Variants in TFDP2 observed in about 807,000 individuals in gnomAD.
TFDP2 encodes transcription factor Dp-2 (E2F dimerization partner 2).
Under a neutral mutation model 59.3 loss-of-function variants are expected in TFDP2, and 17 were observed. That is an observed-to-expected ratio of 0.29 (90% CI 0.20 to 0.43). The LOEUF (loss-of-function observed/expected upper bound fraction) is 0.43, where lower values mean the gene tolerates loss of function less well. Among genes scored for constraint, TFDP2 ranks in the 20% least tolerant of loss-of-function variants. The pLI is 1.00. For missense variants in TFDP2, 391 were observed against 528.8 expected (o/e 0.74, Z 2.56); for synonymous variants, 180 against 194.7 (o/e 0.92, Z 0.63).
rs151113753 is a variant in TFDP2, at chr3:142,141,242, G to A, written c.-93+7941C>T. On this transcript the variant is annotated intron_variant, in intron 1 of 12. Coordinates refer to ENST00000489671, the MANE Select transcript of TFDP2 (RefSeq NM_001178139.2). ...CATGGGGAAAGTCCAGTATTTGGAC[G>A]AGAGCGTCCCATTTTTCCAGGTACA... Among the ~76,000 whole-genome samples, 20 of 152,334 alleles carry A rather than the reference G, an allele frequency of 1.3e-4. No individual in the cohort carries two copies. The East Asian group carries it at 2.9e-3, about 22-fold the overall frequency.
At chr3:141,967,386 A>C (rs1011712824) in intron 9 of TFDP2, among the ~76,000 whole-genome samples, 1 of 148,096 alleles carries the variant, frequency 6.8e-6, no homozygotes, top group Non-Finnish European at 1.5e-5. Flanking sequence ...TCTGCCTCCC[A>C]GGTTCAAGAG....
intron 10 of TFDP2, among the ~76,000 whole-genome samples, chr3:141,961,307 G>T (rs1021733112): frequency 1.4e-5 from 2 of 138,138 alleles, no homozygotes; most frequent in African/African-American, 5.5e-5. Context: ...GCAGTGGCAC[G>T]ATCTCGGCTC....
intron 3 of TFDP2, chr3:142,043,575 G>C: frequency 1.3e-6 from 1 of 753,636 alleles, no homozygotes; most frequent in South Asian, 1.6e-5. Context: ...TTTAATGGCT[G>C]ATCTATGTAA....
At chr3:142,101,691 T>G (rs1322573657) in intron 2 of TFDP2, 44 bp downstream of exon 2, 1 of 1,276,690 alleles carries the variant, frequency 7.8e-7, no homozygotes, top group Admixed American at 2.8e-5. Flanking sequence ...AAAGCACAGC[T>G]CACTTTAAAC....
chr3:142,044,245 T>C (rs1440780722), intron 3 of TFDP2: 2 of 250,642 alleles, frequency 8.0e-6, no homozygotes, highest in African/African-American at 5.0e-5. Flanking sequence ...TTTTTTTTTT[T>C]TTTTTTTGAG....
chr3:142,015,172 G>A (rs1945034511), intron 3 of TFDP2, among the ~76,000 whole-genome samples: 1 of 151,988 alleles, frequency 6.6e-6, no homozygotes, highest in Non-Finnish European at 1.5e-5. Context: ...AAACATTTGG[G>A]AGCCCCTTAG....
At position 141,949,304 on chromosome 3, in the gene TFDP2, C is replaced by G. The variant is rs1223468469; in HGVS notation, c.*3209G>C. ...AAGAATTAAATTGAAGGACGCCAAACTTGTGGCCATTGTCTGTAGTTTCTC... is the reference window on the plus strand; with the variant it reads ...AAGAATTAAATTGAAGGACGCCAAAGTTGTGGCCATTGTCTGTAGTTTCTC... On this transcript the variant is annotated 3_prime_UTR_variant, in exon 13 of 13. Coordinates refer to ENST00000489671, the MANE Select transcript of TFDP2 (RefSeq NM_001178139.2). 2 of 152,152 alleles carry G rather than the reference C, an allele frequency of 1.3e-5. No individual in the cohort carries two copies. The highest frequency in any genetic ancestry group is 2.9e-5 in the Non-Finnish European group (2 of 68,042). The allele number at this position is 152,152 out of a possible 1,614,324, so 9.4% of individuals were successfully genotyped here. A position where few individuals can be genotyped will look rare whatever the true frequency, so the allele number is the denominator to read the frequency against.
intron 3 of TFDP2, among the ~76,000 whole-genome samples, chr3:142,005,801 T>A (rs1352662214): frequency 6.6e-6 from 1 of 152,204 alleles, no homozygotes; most frequent in Non-Finnish European, 1.5e-5. Context: ...GTTCCAATTA[T>A]CTGACAATTA....
chr3:142,060,756 A>T (rs2059892553), intron 3 of TFDP2, among the ~76,000 whole-genome samples: 1 of 152,224 alleles, frequency 6.6e-6, no homozygotes, highest in Non-Finnish European at 1.5e-5. Flanking sequence ...GATAAAACAG[A>T]AAGAAAACCA....
At chr3:142,044,818 T>C (rs564123208) in intron 3 of TFDP2, among the ~76,000 whole-genome samples, 1 of 152,324 alleles carries the variant, frequency 6.6e-6, no homozygotes, top group East Asian at 1.9e-4. Context: ...TTATTAGTTA[T>C]ACAATCTTAG....
intron 8 of TFDP2, among the ~76,000 whole-genome samples, chr3:141,973,675 G>A (rs1940178951): frequency 6.9e-6 from 1 of 145,972 alleles, no homozygotes; most frequent in Admixed American, 7.0e-5. Flanking sequence ...TAAACAGCCG[G>A]CTTGATCCTT....
At chr3:142,050,128 G>A (rs1247968900) in intron 3 of TFDP2, among the ~76,000 whole-genome samples, 2 of 151,812 alleles carry the variant, frequency 1.3e-5, no homozygotes, top group African/African-American at 2.4e-5. Context: ...TTAGCTGGGC[G>A]TGGTGGCAAG....
intron 7 of TFDP2, among the ~76,000 whole-genome samples, chr3:141,975,753 T>C (rs905188141): frequency 1.3e-5 from 2 of 150,914 alleles, no homozygotes; most frequent in Admixed American, 6.6e-5. Flanking sequence ...TAACAACAAG[T>C]ACTGGGAGGA....
chr3:142,137,559 A>T (rs1368985484), intron 1 of TFDP2, among the ~76,000 whole-genome samples: 1 of 152,050 alleles, frequency 6.6e-6, no homozygotes, highest in East Asian at 1.9e-4. Context: ...TTCCATCAAT[A>T]CCTAGTTTAT....
rs368911911 is a variant in TFDP2, at chr3:141,978,517, T to G, written c.519+3A>C. Reference sequence around the variant, plus strand: ...ATCAATGTCAGGTTCATGATTTACATACCGAATCAGCAGCCAAATGGTTAT... The same window carrying G: ...ATCAATGTCAGGTTCATGATTTACAGACCGAATCAGCAGCCAAATGGTTAT... On this transcript the variant is annotated splice_donor_region_variant and intron_variant, in intron 7 of 12. Coordinates refer to ENST00000489671, the MANE Select transcript of TFDP2 (RefSeq NM_001178139.2). 1 of 1,605,616 alleles carries G rather than the reference T, an allele frequency of 6.2e-7. No homozygotes were observed. The highest frequency in any genetic ancestry group is 1.3e-5 in the African/African-American group (1 of 74,642).
chr3:142,046,136 G>A (rs974090544), intron 3 of TFDP2, among the ~76,000 whole-genome samples: 1 of 152,098 alleles, frequency 6.6e-6, no homozygotes, highest in African/African-American at 2.4e-5. Context: ...TTACTATGGC[G>A]CTGATAAACT....
intron 3 of TFDP2, chr3:142,029,039 T>C (rs1262275213): frequency 6.5e-6 from 1 of 152,682 alleles, no homozygotes; most frequent in African/African-American, 2.4e-5. Context: ...AGATTAAACT[T>C]ACTCGTGAAA....
chr3:142,088,035 T>C (rs1419633917), intron 3 of TFDP2, among the ~76,000 whole-genome samples: 3 of 152,244 alleles, frequency 2.0e-5, no homozygotes, highest in Non-Finnish European at 4.4e-5. Flanking sequence ...CAGTTTTTTA[T>C]GTGTATGTGT....
At chr3:142,029,544 T>C (rs1187963562) in intron 3 of TFDP2, among the ~76,000 whole-genome samples, 3 of 152,162 alleles carry the variant, frequency 2.0e-5, no homozygotes, top group Admixed American at 2.0e-4. Flanking sequence ...GAACAAAAGA[T>C]GACCTCTTAG....
Sources: gnomAD v4.1 joint callset for allele counts (sites outside exome capture counted in the v4.1 genomes callset) on GRCh38, gnomAD v4.1.1 for gene constraint, MANE v1.5 for transcripts, NCBI Gene and HGNC (gene_info 2026-07-23, HGNC 2026-07-21) for gene names.